The following PRKG1 variants were observed in gnomAD, a reference collection of about 807,000 sequenced individuals.
The protein encoded by PRKG1 is protein kinase cGMP-dependent 1, also known as cGMP-dependent protein kinase 1.
A neutral mutation model predicts 88.1 loss-of-function variants in PRKG1; 35 were observed. The ratio of observed to expected loss-of-function variants is 0.40; its 90% CI spans 0.30 to 0.53. PRKG1 has a LOEUF of 0.53. PRKG1 is among the 20% of genes least tolerant of loss of function. The pLI is 0.59. For missense variants in PRKG1, 540 were observed against 839.8 expected, an observed-to-expected ratio of 0.64 and a Z score of 4.41; for synonymous variants, 303 against 292.5, an observed-to-expected ratio of 1.04 and a Z score of -0.37.
At chr10:51,806,306 C>A (rs1349710721) in intron 4 of PRKG1, among the ~76,000 whole-genome samples, 2 of 152,112 alleles carry the variant, frequency 1.3e-5, no homozygotes, top group African/African-American at 4.8e-5. Context: ...GGACTGAGTG[C>A]CAATGCTATC....
At chr10:52,095,915 G>T (rs1847160964) in intron 7 of PRKG1, among the ~76,000 whole-genome samples, 1 of 152,160 alleles carries the variant, frequency 6.6e-6, no homozygotes, top group Admixed American at 6.6e-5. Flanking sequence ...GATATGCAAG[G>T]TGCTGTGGGA....
upstream of PRKG1, among the ~76,000 whole-genome samples, chr10:51,072,799 C>CTT (rs1165249354): frequency 1.5e-4 from 23 of 152,216 alleles, no homozygotes; most frequent in Admixed American, 4.6e-4. Context: ...TTTAAATGAA[C>CTT]AAGCTTGTTA....
intron 4 of PRKG1, among the ~76,000 whole-genome samples, chr10:51,880,380 C>T (rs1841407718): frequency 6.6e-6 from 1 of 152,040 alleles, no homozygotes; most frequent in Non-Finnish European, 1.5e-5. Flanking sequence ...GGAAATCAGC[C>T]CTTGTGTCTG....
At chr10:51,609,995 A>T (rs1426440668) in intron 3 of PRKG1, among the ~76,000 whole-genome samples, 1 of 151,778 alleles carries the variant, frequency 6.6e-6, no homozygotes. Flanking sequence ...CTTATAAATT[A>T]AAAAAAAATT....
chr10:51,422,902 C>T (rs572927378), intron 2 of PRKG1, among the ~76,000 whole-genome samples: 22 of 150,578 alleles, frequency 1.5e-4, no homozygotes, highest in Non-Finnish European at 2.7e-4. Context: ...TGAGGGAGGG[C>T]GATTGAAGAG....
intron 2 of PRKG1, among the ~76,000 whole-genome samples, chr10:51,236,666 C>A (rs1168466902): frequency 6.6e-6 from 1 of 151,976 alleles, no homozygotes; most frequent in East Asian, 1.9e-4. Context: ...CCATGCCCAG[C>A]TAATTTTTGT....
intron 2 of PRKG1, among the ~76,000 whole-genome samples, chr10:51,301,616 A>G (rs952610598): frequency 7.2e-5 from 11 of 152,156 alleles, no homozygotes; most frequent in Non-Finnish European, 1.5e-4. Context: ...AGACCAAAGG[A>G]TTGGGAATAG....
At chr10:51,213,758 G>T (rs527249376) in intron 2 of PRKG1, among the ~76,000 whole-genome samples, 18 of 142,460 alleles carry the variant, frequency 1.3e-4, no homozygotes, top group Non-Finnish European at 2.5e-4. Flanking sequence ...ATTTTATGAA[G>T]TGTGTGGGTG....
intron 9 of PRKG1, among the ~76,000 whole-genome samples, chr10:52,206,140 A>G (rs1460077817): frequency 6.6e-6 from 1 of 151,978 alleles, no homozygotes; most frequent in Non-Finnish European, 1.5e-5. Context: ...TTGACAGTTA[A>G]TTCAGAGAAC....
chr10:51,607,101 C>T (rs567591523), intron 3 of PRKG1, among the ~76,000 whole-genome samples: 241 of 152,300 alleles, frequency 1.6e-3, no homozygotes, highest in South Asian at 3.3e-3. Flanking sequence ...AATTTTGCCA[C>T]CGGCATCCTA....
chr10:51,605,977 G>T (rs72797310), intron 3 of PRKG1, among the ~76,000 whole-genome samples: 2 of 152,058 alleles, frequency 1.3e-5, no homozygotes, highest in Admixed American at 6.6e-5. Context: ...AGACTACATG[G>T]CTAACGCATC....
chr10:51,531,405 G>A (rs1042891067), intron 3 of PRKG1, among the ~76,000 whole-genome samples: 3 of 152,086 alleles, frequency 2.0e-5, no homozygotes, highest in African/African-American at 4.8e-5. Flanking sequence ...TGAAGCTCCG[G>A]TTGTAGAATT....
At chr10:51,461,366 A>G (rs1055622077) in intron 2 of PRKG1, among the ~76,000 whole-genome samples, 2 of 152,206 alleles carry the variant, frequency 1.3e-5, no homozygotes, top group African/African-American at 4.8e-5. Flanking sequence ...GGTTCTAACT[A>G]AAATATTCTA....
intron 7 of PRKG1, among the ~76,000 whole-genome samples, chr10:52,079,095 A>G (rs980930646): frequency 6.6e-6 from 1 of 152,234 alleles, no homozygotes; most frequent in Admixed American, 6.5e-5. Flanking sequence ...CTGGTCACCC[A>G]GGCTTGAACA....
chr10:52,261,241 T>G lies in PRKG1; in HGVS notation c.1173+9575T>G, dbSNP rs528619931. ...TATTTCTGGCCACCAGCTGTAGAACTGATTTTAAGTCTGAAGGTAAGTTAC... is the reference window on the plus strand; with the variant it reads ...TATTTCTGGCCACCAGCTGTAGAACGGATTTTAAGTCTGAAGGTAAGTTAC... On this transcript the variant is annotated intron_variant, in intron 10 of 17. Transcript: ENST00000373980. 3.9e-5 allele frequency among the ~76,000 whole-genome samples: 6 copies of G among 152,152 alleles called. No individual in the cohort carries two copies. In the East Asian group the frequency reaches 1.2e-3, roughly 30 times the overall value.
chr10:51,006,550 T>G (rs1051645344), intron 1 of PRKG1, among the ~76,000 whole-genome samples: 1 of 152,244 alleles, frequency 6.6e-6, no homozygotes, highest in South Asian at 2.1e-4. Flanking sequence ...ACTCTATACT[T>G]GGATCTAATT....
At chr10:51,703,877 G>A (rs12247781) in intron 3 of PRKG1, among the ~76,000 whole-genome samples, 10,705 of 152,108 alleles carry the variant, frequency 0.07, 400 homozygotes, top group East Asian at 0.085. Context: ...AGTGACTCAC[G>A]CCTGTAATCC....
intron 1 of PRKG1, among the ~76,000 whole-genome samples, chr10:51,036,153 T>G (rs1179407549): frequency 6.6e-6 from 1 of 152,194 alleles, no homozygotes; most frequent in Non-Finnish European, 1.5e-5. Flanking sequence ...TGTGCTTAAC[T>G]TACTACAGAG....
intron 2 of PRKG1, among the ~76,000 whole-genome samples, chr10:51,304,786 A>G (rs1840991507): frequency 6.6e-6 from 1 of 151,686 alleles, no homozygotes; most frequent in Admixed American, 6.6e-5. Context: ...TTCCAATTTC[A>G]TCCATGTCCC....
Sources: gnomAD v4.1 joint callset for allele counts (sites outside exome capture counted in the v4.1 genomes callset) on GRCh38, gnomAD v4.1.1 for gene constraint, MANE v1.5 for transcripts, NCBI Gene and HGNC (gene_info 2026-07-23, HGNC 2026-07-21) for gene names.